ZDHHC11B: variants seen among roughly 807,000 people sequenced by gnomAD.
The protein encoded by ZDHHC11B is zDHHC palmitoyltransferase 11B (putative), also known as probable palmitoyltransferase ZDHHC11B.
Under a neutral mutation model 42.3 loss-of-function variants are expected in ZDHHC11B, and 17 were observed. That is an observed-to-expected ratio of 0.40 (90% CI 0.27 to 0.60). The LOEUF is 0.60. ZDHHC11B is among the 20% of genes least tolerant of loss of function. ZDHHC11B has a pLI of 0.41. For synonymous variants in ZDHHC11B, 123 were observed against 193.5 expected (o/e 0.64, Z 3.02); for missense variants, 262 against 463.2 (o/e 0.57, Z 3.99).
At chr5:733,229 T>C (rs446778) in intron 11 of ZDHHC11B, among the ~76,000 whole-genome samples, 17,343 of 126,092 alleles carry the variant, frequency 0.14, 2,069 homozygotes, top group South Asian at 0.25. Flanking sequence ...GACCACACAC[T>C]ACACACAAAA....
chr5:760,366 C>G (rs539289456), intron 4 of ZDHHC11B, among the ~76,000 whole-genome samples: 1 of 151,810 alleles, frequency 6.6e-6, no homozygotes, highest in Non-Finnish European at 1.5e-5. Context: ...AAACGGGAAC[C>G]CAACGGCAGC....
chr5:713,006 G>C (rs1373727612), intron 13 of ZDHHC11B, among the ~76,000 whole-genome samples: 1 of 150,176 alleles, frequency 6.7e-6, no homozygotes, highest in Non-Finnish European at 1.5e-5. Context: ...TCCCCTTCTT[G>C]GATTCACTGG....
chr5:718,381 A>G (rs1490690572), intron 12 of ZDHHC11B, among the ~76,000 whole-genome samples: 1 of 151,774 alleles, frequency 6.6e-6, no homozygotes, highest in Non-Finnish European at 1.5e-5. Flanking sequence ...GCTTGAAGAA[A>G]GGAGAAGCTG....
chr5:757,392 C>T (rs571219716), intron 4 of ZDHHC11B, among the ~76,000 whole-genome samples: 1 of 152,080 alleles, frequency 6.6e-6, no homozygotes, highest in Non-Finnish European at 1.5e-5. Flanking sequence ...GCGGGTCCTG[C>T]ACCAGGCCAG....
At chr5:775,199 AG>A (rs1736373692) in intron 1 of ZDHHC11B, among the ~76,000 whole-genome samples, 1 of 151,956 alleles carries the variant, frequency 6.6e-6, no homozygotes, top group South Asian at 2.1e-4. Context: ...GGGCTGGACC[AG>A]GCCAGGGCGT....
At chr5:748,302 T>C in intron 8 of ZDHHC11B, 102 bp downstream of exon 8, 1 of 867,994 alleles carries the variant, frequency 1.2e-6, no homozygotes, top group Non-Finnish European at 1.7e-6. Context: ...GCCCCAGGTG[T>C]GGGGGGCTCA....
At chr5:777,411 G>A (rs1736604339) in intron 1 of ZDHHC11B, among the ~76,000 whole-genome samples, 1 of 151,826 alleles carries the variant, frequency 6.6e-6, no homozygotes, top group Non-Finnish European at 1.5e-5. Flanking sequence ...CAAGAGCAAA[G>A]CTGCAGACCT....
chr5:771,045 G>A (rs1735987183), intron 1 of ZDHHC11B, among the ~76,000 whole-genome samples: 1 of 151,906 alleles, frequency 6.6e-6, no homozygotes, highest in Non-Finnish European at 1.5e-5. Flanking sequence ...GCTTCCCAAA[G>A]GGGCCTGGAC....
intron 11 of ZDHHC11B, chr5:732,439 G>A (rs368392629): frequency 2.3e-4 from 73 of 316,120 alleles, no homozygotes; most frequent in South Asian, 1.5e-3. Flanking sequence ...CCATGAGCCC[G>A]TGTGCCACAT....
chr5:718,409 C>G (rs1168727388), intron 12 of ZDHHC11B, among the ~76,000 whole-genome samples: 1 of 151,732 alleles, frequency 6.6e-6, no homozygotes, highest in Non-Finnish European at 1.5e-5. Context: ...TGCAGTGGCT[C>G]ACACCTGTAA....
chr5:733,020 G>A (rs1166400181), intron 11 of ZDHHC11B, among the ~76,000 whole-genome samples: 1 of 151,750 alleles, frequency 6.6e-6, no homozygotes, highest in Non-Finnish European at 1.5e-5. Context: ...TCCCACCACT[G>A]CCATCCATGT....
chr5:772,760 G>A (rs3965380), intron 1 of ZDHHC11B, among the ~76,000 whole-genome samples: 43,560 of 144,948 alleles, frequency 0.3, 2,869 homozygotes, highest in East Asian at 0.39. Context: ...GAGCAGTGCC[G>A]ACCTCAGACG....
chr5:765,636 C>T (rs1193897627), intron 4 of ZDHHC11B, among the ~76,000 whole-genome samples: 1 of 151,856 alleles, frequency 6.6e-6, no homozygotes, highest in African/African-American at 2.4e-5. Context: ...AAGTTTTGTT[C>T]TTTTGCTCTT....
rs147774669 is a variant in ZDHHC11B, at chr5:773,873, C to T, written c.-229-4943G>A. Among the ~76,000 whole-genome samples the T allele has an allele frequency of 1.4e-3, 211 of 151,798 alleles. 1 individual carries two copies. Among genetic ancestry groups the T allele is most frequent in the African/African-American group, 4.6e-3 (188 of 41,280 alleles). On this transcript the variant is annotated intron_variant, in intron 1 of 13. Coordinates refer to ENST00000508859, the MANE Select transcript of ZDHHC11B (RefSeq NM_001351303.2). The stretch of plus-strand genomic sequence containing the variant: ...CAGGGAGTCAGGAGGATGGTGCCTA[C>T]GGGCTCACCCACAGGTGTGGGCAAG...
chr5:754,521 AGGGGAAACACCTCTCGTCTATG>A (rs1746317557), intron 6 of ZDHHC11B, among the ~76,000 whole-genome samples: 1 of 125,794 alleles, frequency 7.9e-6, no homozygotes, highest in Non-Finnish European at 1.7e-5. Flanking sequence ...CACCGTGCTC[AGGGGAAACACCTCTCGTCTATG>A]AGCCTCCACC....
chr5:730,484 A>G lies in ZDHHC11B; in HGVS notation c.1024-16T>C. On this transcript the variant is annotated splice_polypyrimidine_tract_variant and intron_variant, in intron 11 of 13. Coordinates refer to ENST00000508859, the MANE Select transcript of ZDHHC11B (RefSeq NM_001351303.2). ...CATCTGCTTCCTGTGGGGGGAAGGG[A>G]AGCAAAATTCTTAGGATGAACAAAG... 6.4e-7 allele frequency: 1 copy of G among 1,555,406 alleles called. No individual in the cohort carries two copies. Among genetic ancestry groups the G allele is most frequent in the Non-Finnish European group, 8.6e-7 (1 of 1,161,052 alleles).
intron 1 of ZDHHC11B, among the ~76,000 whole-genome samples, chr5:773,083 G>A (rs1355933880): frequency 3.3e-5 from 5 of 151,882 alleles, no homozygotes; most frequent in Admixed American, 6.6e-5. Context: ...TGTCTGGATC[G>A]CTTCATTAGA....
chr5:746,579 G>A (rs1278211137), intron 8 of ZDHHC11B, among the ~76,000 whole-genome samples: 12 of 145,902 alleles, frequency 8.2e-5, no homozygotes, highest in African/African-American at 3.0e-4. Flanking sequence ...GACAGACCAG[G>A]TCATCCCTCC....
At chr5:776,125 A>C (rs1299168813) in intron 1 of ZDHHC11B, among the ~76,000 whole-genome samples, 2 of 150,524 alleles carry the variant, frequency 1.3e-5, no homozygotes, top group Non-Finnish European at 3.0e-5. Flanking sequence ...CTGCCATCAC[A>C]GCCCTCAATC....
Sources: allele counts gnomAD v4.1 joint callset (sites outside exome capture counted in the v4.1 genomes callset), GRCh38; gene constraint gnomAD v4.1.1; transcripts MANE v1.5; gene names NCBI Gene and HGNC (gene_info 2026-07-23, HGNC 2026-07-21).